Variants in KCTD16 observed in about 807,000 individuals in gnomAD.
KCTD16 encodes BTB/POZ domain-containing protein KCTD16.
In KCTD16, 13 loss-of-function variants were observed where a neutral mutation model predicts 33.2. The observed-to-expected ratio is 0.39, with a 90% CI of 0.25 to 0.62. The LOEUF (loss-of-function observed/expected upper bound fraction) is 0.62, where lower values mean the gene tolerates loss of function less well. Ranked by LOEUF, KCTD16 falls within the 20% of genes least tolerant of loss-of-function variation. The pLI, the probability that KCTD16 is intolerant of heterozygous loss-of-function variation, is 0.50. For missense variants in KCTD16, 441 were observed against 525.1 expected, an observed-to-expected ratio of 0.84 and a Z score of 1.57; for synonymous variants, 197 against 195.3, an observed-to-expected ratio of 1.01 and a Z score of -0.07.
At chr5:144,360,335 G>A (rs762149879) in intron 3 of KCTD16, among the ~76,000 whole-genome samples, 1 of 151,988 alleles carries the variant, frequency 6.6e-6, no homozygotes, top group Non-Finnish European at 1.5e-5. Context: ...CCACTTATGA[G>A]TGAGAACATG....
At chr5:144,344,044 A>T (rs1752717782) in intron 3 of KCTD16, among the ~76,000 whole-genome samples, 2 of 152,148 alleles carry the variant, frequency 1.3e-5, no homozygotes, top group South Asian at 4.1e-4. Context: ...GAGCCCTCAG[A>T]AATAACACTG....
At chr5:144,466,955 A>G (rs1754345442) in intron 3 of KCTD16, among the ~76,000 whole-genome samples, 1 of 132,828 alleles carries the variant, frequency 7.5e-6, no homozygotes, top group African/African-American at 2.9e-5. Context: ...GTTACTATAT[A>G]TATTATATAT....
At chr5:144,290,557 G>A (rs1755868127) in intron 3 of KCTD16, among the ~76,000 whole-genome samples, 1 of 152,186 alleles carries the variant, frequency 6.6e-6, no homozygotes, top group African/African-American at 2.4e-5. Context: ...TGGAAAGGCA[G>A]TTTCCATAAT....
At chr5:144,215,855 G>C (rs1753548164) in intron 3 of KCTD16, among the ~76,000 whole-genome samples, 1 of 152,052 alleles carries the variant, frequency 6.6e-6, no homozygotes, top group Non-Finnish European at 1.5e-5. Context: ...TGTTAAAACA[G>C]GTTAAAACAA....
chr5:144,345,299 A>G (rs968905445), intron 3 of KCTD16, among the ~76,000 whole-genome samples: 1 of 151,950 alleles, frequency 6.6e-6, no homozygotes, highest in African/African-American at 2.4e-5. Context: ...GCACATGTAT[A>G]CTTATGTAAC....
chr5:144,447,569 A>T (rs975214498), intron 3 of KCTD16, among the ~76,000 whole-genome samples: 2 of 152,130 alleles, frequency 1.3e-5, no homozygotes, highest in Non-Finnish European at 2.9e-5. Context: ...AAAAAAAGAA[A>T]AAAGAAAAAA....
In KCTD16 at chr5:144,405,568, G is replaced by A. The variant is rs1276030197; in HGVS notation, c.833-68092G>A. On this transcript the variant is annotated intron_variant, in intron 3 of 3. Coordinates refer to ENST00000512467, the MANE Select transcript of KCTD16 (RefSeq NM_020768.4). ...TTCTTTAGACCCCTGTCTTAGTTTT[G>A]TTTCTCTGTAACACATGAGAAGCCT... 3.3e-5 allele frequency among the ~76,000 whole-genome samples: 5 copies of A among 152,000 alleles called. No homozygotes were observed. The East Asian group carries it at 9.7e-4, about 29-fold the overall frequency.
At chr5:144,266,727 C>A (rs908525685) in intron 3 of KCTD16, among the ~76,000 whole-genome samples, 1 of 152,106 alleles carries the variant, frequency 6.6e-6, no homozygotes, top group African/African-American at 2.4e-5. Flanking sequence ...CAGAGTCATG[C>A]TTAATAGGCA....
At chr5:144,418,270 A>G (rs950129546) in intron 3 of KCTD16, among the ~76,000 whole-genome samples, 5 of 152,116 alleles carry the variant, frequency 3.3e-5, no homozygotes, top group Admixed American at 6.6e-5. Context: ...GTGGAAGGAG[A>G]CCGAGTGGGT....
chr5:144,414,542 T>G (rs1753004047), intron 3 of KCTD16, among the ~76,000 whole-genome samples: 1 of 152,232 alleles, frequency 6.6e-6, no homozygotes, highest in Admixed American at 6.5e-5. Context: ...CCCTAAGGCT[T>G]GCATTAACAT....
At chr5:144,188,421 A>G (rs1173405836) in intron 2 of KCTD16, among the ~76,000 whole-genome samples, 1 of 152,180 alleles carries the variant, frequency 6.6e-6, no homozygotes, top group Non-Finnish European at 1.5e-5. Flanking sequence ...TGGAGTTTAG[A>G]ATGATACATC....
chr5:144,446,242 C>T (rs922795830), intron 3 of KCTD16, among the ~76,000 whole-genome samples: 1 of 151,716 alleles, frequency 6.6e-6, no homozygotes, highest in African/African-American at 2.4e-5. Context: ...CTGCCATTTC[C>T]CCCAAAATCC....
intron 3 of KCTD16, among the ~76,000 whole-genome samples, chr5:144,340,615 G>A (rs1282960242): frequency 2.0e-5 from 3 of 152,054 alleles, no homozygotes; most frequent in East Asian, 3.9e-4. Flanking sequence ...TAGGGTCTTT[G>A]GGGGATAATT....
chr5:144,472,916 T>C (rs1328763479), intron 3 of KCTD16, among the ~76,000 whole-genome samples: 4 of 152,216 alleles, frequency 2.6e-5, no homozygotes, highest in Non-Finnish European at 5.9e-5. Flanking sequence ...TTAATTGGCA[T>C]GGTTATGGCC....
chr5:144,389,170 A>G lies in KCTD16; in HGVS notation c.833-84490A>G, dbSNP rs570582982. 6.0e-4 allele frequency among the ~76,000 whole-genome samples: 92 copies of G among 152,270 alleles called. 1 individual carries two copies. Among genetic ancestry groups the G allele is most frequent in the African/African-American group, 2.1e-3 (89 of 41,554 alleles). ...CTATGTGAGCAAGTCATTAGAAATA[A>G]ATTGTTGCTGAAGGTAGAAATCATC... is the stretch of plus-strand genomic sequence containing the variant. On this transcript the variant is annotated intron_variant, in intron 3 of 3. Transcript: ENST00000512467.
intron 3 of KCTD16, among the ~76,000 whole-genome samples, chr5:144,266,430 C>T (rs1319377430): frequency 6.6e-6 from 1 of 152,148 alleles, no homozygotes; most frequent in African/African-American, 2.4e-5. Context: ...CAAAACAACG[C>T]TGCAGGAGAT....
At chr5:144,178,864 C>A (rs1252369040) in intron 2 of KCTD16, among the ~76,000 whole-genome samples, 2 of 152,076 alleles carry the variant, frequency 1.3e-5, no homozygotes, top group Non-Finnish European at 1.5e-5. Context: ...GTCTCAACTT[C>A]ATATTAAAAT....
At chr5:144,197,869 A>G (rs1752967952) in intron 2 of KCTD16, among the ~76,000 whole-genome samples, 1 of 152,176 alleles carries the variant, frequency 6.6e-6, no homozygotes, top group African/African-American at 2.4e-5. Context: ...AATTTTATTA[A>G]TTTGTTTGGC....
intron 3 of KCTD16, among the ~76,000 whole-genome samples, chr5:144,450,243 A>G (rs892614007): frequency 4.6e-5 from 7 of 152,064 alleles, no homozygotes; most frequent in Admixed American, 2.6e-4. Context: ...CAAAGCCACA[A>G]TGAGAGATCA....
Sources: allele counts gnomAD v4.1 joint callset (sites outside exome capture counted in the v4.1 genomes callset), GRCh38; gene constraint gnomAD v4.1.1; transcripts MANE v1.5; gene names NCBI Gene and HGNC (gene_info 2026-07-23, HGNC 2026-07-21).